Variants in ASPH observed in about 807,000 individuals in gnomAD.
The protein encoded by ASPH is aspartate beta-hydroxylase.
A neutral mutation model predicts 118.4 loss-of-function variants in ASPH; 100 were observed. That is an observed-to-expected ratio of 0.84 (90% CI 0.72 to 1.00). The LOEUF is 1.00. Among genes scored for constraint, ASPH ranks in the 50% least tolerant of loss-of-function variants. The pLI is 0.00. For missense variants in ASPH, 920 were observed against 919.5 expected, an observed-to-expected ratio of 1.00 and a Z score of -0.01; for synonymous variants, 315 against 325.6, an observed-to-expected ratio of 0.97 and a Z score of 0.35.
chr8:61,666,711 A>T (rs1393909968), intron 3 of ASPH, among the ~76,000 whole-genome samples: 1 of 152,172 alleles, frequency 6.6e-6, no homozygotes, highest in East Asian at 1.9e-4. Flanking sequence ...TTTCCTGGTG[A>T]TCAACCAGGA....
chr8:61,514,583 C>G (rs1193083211), intron 24 of ASPH, among the ~76,000 whole-genome samples: 2 of 152,014 alleles, frequency 1.3e-5, no homozygotes, highest in Admixed American at 6.6e-5. Context: ...GTGGCGGGTG[C>G]CTGTAGTCCC....
At chr8:61,658,712 C>A (rs1409118951) in intron 3 of ASPH, 1 of 152,150 alleles carries the variant, frequency 6.6e-6, no homozygotes, top group African/African-American at 2.4e-5. Context: ...CCCCTCCCTG[C>A]CAGTCACAGG....
chr8:61,552,044 T>C (rs1366954878), intron 20 of ASPH, among the ~76,000 whole-genome samples: 1 of 152,226 alleles, frequency 6.6e-6, no homozygotes, highest in Non-Finnish European at 1.5e-5. Context: ...CCTTCACTTC[T>C]CTGAACCCTC....
intron 3 of ASPH, chr8:61,658,064 AG>A (rs1814704358): frequency 6.6e-6 from 1 of 152,216 alleles, no homozygotes; most frequent in African/African-American, 2.4e-5. Flanking sequence ...TAAGGCTCAT[AG>A]GTATATGAAA....
At chr8:61,652,249 A>C (rs1229661541) in intron 4 of ASPH, among the ~76,000 whole-genome samples, 1 of 152,198 alleles carries the variant, frequency 6.6e-6, no homozygotes, top group Non-Finnish European at 1.5e-5. Context: ...CACCATCCAA[A>C]GAGAATATAA....
intron 15 of ASPH, chr8:61,579,082 A>T (rs1219673122): frequency 1.6e-5 from 25 of 1,608,858 alleles, no homozygotes; most frequent in Non-Finnish European, 2.0e-5. Flanking sequence ...AAGTATGAGG[A>T]GCTGCAGAGT....
At chr8:61,693,625 T>C (rs933799003) in intron 1 of ASPH, among the ~76,000 whole-genome samples, 1 of 151,664 alleles carries the variant, frequency 6.6e-6, no homozygotes, top group Admixed American at 6.6e-5. Flanking sequence ...CACCTCCACA[T>C]GCAAGGGTTT....
rs368483449 is a variant in ASPH, at chr8:61,683,354, T to G, written c.253+685A>C. 2.0e-5 allele frequency among the ~76,000 whole-genome samples: 3 copies of G among 151,888 alleles called. No homozygotes were observed. The South Asian group carries it at 6.2e-4, about 32-fold the overall frequency. Reference sequence around the variant, plus strand: ...GTTTAAAAAAAGATTTTTGGGGAAGTGAAGGAGAATGTGACTCCAAAAATA... The same window carrying G: ...GTTTAAAAAAAGATTTTTGGGGAAGGGAAGGAGAATGTGACTCCAAAAATA... On this transcript the variant is annotated intron_variant, in intron 2 of 24. Transcript: ENST00000379454.
intron 5 of ASPH, 150 bp from the exon 6 acceptor site, chr8:61,647,028 T>C (rs1198001097): frequency 1.2e-5 from 12 of 1,039,890 alleles, no homozygotes; most frequent in Admixed American, 8.9e-5. Context: ...TCCACAGCTA[T>C]TTTCTTCCTC....
At chr8:61,523,149 T>C (rs1347935957) in intron 22 of ASPH, among the ~76,000 whole-genome samples, 1 of 152,120 alleles carries the variant, frequency 6.6e-6, no homozygotes, top group Non-Finnish European at 1.5e-5. Flanking sequence ...TCAATGTGGC[T>C]AAGCAAACTG....
chr8:61,539,699 G>GGGGGGTGTGTGT (rs1554618405), intron 21 of ASPH, among the ~76,000 whole-genome samples: 29 of 124,306 alleles, frequency 2.3e-4, no homozygotes, highest in African/African-American at 3.1e-4. Context: ...ACACTTCTGG[G>GGGGGGTGTGTGT]GTGTGTGTGT....
At chr8:61,663,313 C>A in intron 3 of ASPH, 4 of 985,330 alleles carry the variant, frequency 4.1e-6, no homozygotes, top group Non-Finnish European at 4.8e-6. Flanking sequence ...TCACCATCCT[C>A]AACTACAAAA....
chr8:61,511,243 A>G (rs1157560160), intron 24 of ASPH, among the ~76,000 whole-genome samples: 3 of 152,230 alleles, frequency 2.0e-5, no homozygotes, highest in Non-Finnish European at 4.4e-5. Context: ...GCAATATAGA[A>G]TTCTATAGGA....
Position 61,518,114 on chromosome 8 carries a change from T to C in ASPH, c.1910A>G (p.Asn637Ser). Residue 637 changes from asparagine (N) to serine (S), a missense_variant, in exon 23 of 25, where the codon AAT (asparagine) becomes AGT (serine). Transcript: ENST00000379454. The part of the protein sequence containing the change: ...QFTLWQQGRR[N>S]ENACKGAPKT... ...AGGAGCTCCTTTGCAGGCATTTTCATTTCTTCTTCCTAGAATAAATAACAT... is the reference window on the plus strand; with the variant it reads ...AGGAGCTCCTTTGCAGGCATTTTCACTTCTTCTTCCTAGAATAAATAACAT... 1.2e-6 allele frequency: 2 copies of C among 1,613,262 alleles called. No individual in the cohort carries two copies. Among genetic ancestry groups the C allele is most frequent in the Non-Finnish European group, 1.7e-6 (2 of 1,179,338 alleles).
intron 24 of ASPH, among the ~76,000 whole-genome samples, chr8:61,513,170 C>G (rs1270973466): frequency 6.6e-6 from 1 of 152,186 alleles, no homozygotes; most frequent in East Asian, 1.9e-4. Flanking sequence ...GAAGTTGAGA[C>G]AGTCTGAAAA....
intron 1 of ASPH, among the ~76,000 whole-genome samples, chr8:61,694,694 A>C (rs1416107531): frequency 6.6e-6 from 1 of 152,138 alleles, no homozygotes; most frequent in Non-Finnish European, 1.5e-5. Flanking sequence ...TAAGTGTGAA[A>C]ATTCTGTAAT....
rs1587395361 is a variant in ASPH at position 61,572,335 on chromosome 8, C to A, written c.1149+4437G>T. Among the ~76,000 whole-genome samples the A allele has an allele frequency of 2.6e-5, 4 of 152,206 alleles. No homozygotes were observed. In the South Asian group the frequency reaches 6.2e-4, roughly 24 times the overall value. On this transcript the variant is annotated intron_variant, in intron 16 of 24. Transcript: ENST00000379454. ...TCTAGGCAGAGCTGTTGGAGCTTTA[C>A]TTCCTGGCATATTTTGATATCCTGC...
At chr8:61,713,004 A>C (rs1209188435) in intron 1 of ASPH, among the ~76,000 whole-genome samples, 44 of 152,368 alleles carry the variant, frequency 2.9e-4, no homozygotes, top group South Asian at 6.2e-4. Flanking sequence ...GGCTGAGGCA[A>C]TTAATCTATC....
intron 3 of ASPH, among the ~76,000 whole-genome samples, chr8:61,654,761 A>G (rs1477662664): frequency 6.6e-6 from 1 of 152,156 alleles, no homozygotes; most frequent in East Asian, 1.9e-4. Flanking sequence ...TACCATTTGC[A>G]ACACTATTTC....
Sources: gnomAD v4.1 joint callset for allele counts (sites outside exome capture counted in the v4.1 genomes callset) on GRCh38, gnomAD v4.1.1 for gene constraint, MANE v1.5 for transcripts, NCBI Gene and HGNC (gene_info 2026-07-23, HGNC 2026-07-21) for gene names.